The following MATN4 variants were observed in gnomAD, a reference collection of about 807,000 sequenced individuals.
MATN4 encodes matrilin 4, also known as matrilin-4.
In MATN4, 40 loss-of-function variants were observed where a neutral mutation model predicts 54.6. The observed-to-expected ratio is 0.73, with a 90% CI of 0.57 to 0.95. The LOEUF is 0.95. MATN4 is among the 40% of genes least tolerant of loss of function. The pLI, the probability that MATN4 is intolerant of heterozygous loss-of-function variation, is 0.00. For missense variants in MATN4, 810 were observed against 819.1 expected (o/e 0.99, Z 0.13); for synonymous variants, 351 against 345.3 (o/e 1.02, Z -0.18).
In MATN4 at chr20:45,293,677, G is replaced by A. The variant is rs987384087; in HGVS notation, c.*90C>T. 5 of 1,284,058 alleles carry A rather than the reference G, an allele frequency of 3.9e-6. No individual in the cohort carries two copies. Among genetic ancestry groups the A allele is most frequent in the Non-Finnish European group, 5.2e-6 (5 of 955,936 alleles). 79.5% of individuals were successfully genotyped at this position (1,284,058 alleles called of 1,614,324 possible). The stretch of plus-strand genomic sequence containing the variant: ...CGACAGCCCAAGCCGGACGGGCCCA[G>A]GTTCTGCCTGGCCCCGGCGCACCGA... On this transcript the variant is annotated 3_prime_UTR_variant, in exon 10 of 10. Transcript: ENST00000372756.
At chr20:45,299,937 G>A (rs1387397555) in intron 6 of MATN4, among the ~76,000 whole-genome samples, 1 of 149,170 alleles carries the variant, frequency 6.7e-6, no homozygotes, top group Admixed American at 6.7e-5. Context: ...ACCATGTGAG[G>A]ACACAGCAAG....
chr20:45,301,312 G>T lies in MATN4; in HGVS notation c.766+9C>A, dbSNP rs773538202. On this transcript the variant is annotated intron_variant, in intron 4 of 9. Transcript: ENST00000372756. ...CAGGGTGTGGTGGGAGGGTGGGGGTGTTGCTCACCCCTGCAGCTCCTCTGG... is the reference window on the plus strand; with the variant it reads ...CAGGGTGTGGTGGGAGGGTGGGGGTTTTGCTCACCCCTGCAGCTCCTCTGG... 23 of 1,613,996 alleles carry T rather than the reference G, an allele frequency of 1.4e-5. No individual in the cohort carries two copies. Among genetic ancestry groups the T allele is most frequent in the Non-Finnish European group, 1.8e-5 (21 of 1,180,026 alleles).
At chr20:45,303,014 C>T (rs1463479800) in intron 3 of MATN4, among the ~76,000 whole-genome samples, 2 of 133,682 alleles carry the variant, frequency 1.5e-5, no homozygotes, top group African/African-American at 2.8e-5. Flanking sequence ...ACCCGGGAGG[C>T]GGAGGTTGCA....
At chr20:45,297,334 TCAAGAG>T (rs1366812654) in intron 8 of MATN4, among the ~76,000 whole-genome samples, 1 of 151,912 alleles carries the variant, frequency 6.6e-6, no homozygotes, top group Non-Finnish European at 1.5e-5. Flanking sequence ...TGCATGCGAT[TCAAGAG>T]TCCCCTTCTT....
rs183010596 is a variant in MATN4 at position 45,297,280 on chromosome 20, G to T, written c.1579+638C>A. ...AGTGTCTAAAGTCTCTAGGGTAAAA[G>T]TTACCCTGGAGACATTCCCTGTATC... On this transcript the variant is annotated intron_variant, in intron 8 of 9. Coordinates refer to ENST00000372756, the MANE Select transcript of MATN4 (RefSeq NM_001393530.1). 1.7e-3 allele frequency among the ~76,000 whole-genome samples: 265 copies of T among 152,094 alleles called. 1 individual carries two copies. Among genetic ancestry groups the T allele is most frequent in the African/African-American group, 6.1e-3 (251 of 41,474 alleles).
chr20:45,300,763 C>T, intron 6 of MATN4, 124 bp downstream of exon 6: 1 of 1,211,004 alleles, frequency 8.3e-7, no homozygotes, highest in Non-Finnish European at 1.2e-6. Flanking sequence ...CCAATGTCAC[C>T]CCCACAACAC....
rs1482854611 is a variant in MATN4, at chr20:45,298,115, C to T, written c.1427-45G>A. On this transcript the variant is annotated intron_variant, in intron 7 of 9. Transcript: ENST00000372756. The surrounding 1 kb of genome is among the most constrained non-coding windows in gnomAD (Gnocchi z 4.6). ...GAGGGTGCCCCAGGCCTCGGGAAAG[C>T]TGCCTCCCAGCGTCTGACCCAACCC... 3 of 1,603,230 alleles carry T rather than the reference C, an allele frequency of 1.9e-6. No homozygotes were observed. The highest frequency in any genetic ancestry group is 2.6e-6 in the Non-Finnish European group (3 of 1,172,422).
rs2233090 is a variant in MATN4, at chr20:45,304,797, C to T, written c.74G>A (p.Gly25Asp). ...QPWETQLQLT[G>D]PRCHTGPLDL... is the part of the protein sequence containing the mutation. ...CAGGGGCCCAGTGTGACACCTGGGA[C>T]CTGCGGGGAGATCAGGGAGGACTCT... Residue 25 changes from glycine (G) to aspartate (D), a missense_variant and splice_region_variant, in exon 3 of 10, where the codon GGT (glycine) becomes GAT (aspartate). Transcript: ENST00000372756. 1,220 of 1,567,420 alleles carry T rather than the reference C, an allele frequency of 7.8e-4. 15 individuals are homozygous for T. Among genetic ancestry groups the T allele is most frequent in the Non-Finnish European group, 2.0e-4 (225 of 1,150,138 alleles).
intron 2 of MATN4, 58 bp from the exon 3 acceptor site, chr20:45,304,855 C>G: frequency 8.6e-7 from 1 of 1,169,064 alleles, no homozygotes; most frequent in Non-Finnish European, 1.2e-6. Flanking sequence ...TCCGAGGAGA[C>G]CCCCTAGGAA....
chr20:45,306,587 T>C (rs1199913985), intron 1 of MATN4, among the ~76,000 whole-genome samples: 1 of 152,204 alleles, frequency 6.6e-6, no homozygotes, highest in African/African-American at 2.4e-5. Context: ...GGCTGCGCCC[T>C]GTTGCGGGGC....
chr20:45,293,741 G>C lies in MATN4; in HGVS notation c.*26C>G, dbSNP rs753902496. On this transcript the variant is annotated 3_prime_UTR_variant, in exon 10 of 10. Coordinates refer to ENST00000372756, the MANE Select transcript of MATN4 (RefSeq NM_001393530.1). The stretch of plus-strand genomic sequence containing the variant: ...GCACCGTCCGTGGTGCCGCGCCCCA[G>C]CCCGGGTCTGGGCCGTCCGTGGCCC... The C allele has an allele frequency of 2.5e-6, 4 of 1,587,830 alleles. No homozygotes were observed. The South Asian group carries it at 4.5e-5, about 18-fold the overall frequency.
intron 3 of MATN4, chr20:45,303,447 C>G: frequency 1.4e-6 from 1 of 717,324 alleles, no homozygotes; most frequent in South Asian, 1.5e-5. Flanking sequence ...TGCAGTGGAA[C>G]ATGGCCCAGG....
intron 1 of MATN4, among the ~76,000 whole-genome samples, 167 bp from the exon 2 acceptor site, chr20:45,305,783 T>C (rs1226962635): frequency 1.4e-5 from 2 of 145,192 alleles, no homozygotes; most frequent in Non-Finnish European, 3.0e-5. Context: ...CACAGTGGGA[T>C]TGCTGGGAAA....
Position 45,298,620 on chromosome 20 carries a change from T to C in MATN4, c.1013-37A>G, listed in dbSNP as rs556738083. 76 of 1,491,598 alleles carry C rather than the reference T, an allele frequency of 5.1e-5. No homozygotes were observed. The East Asian group carries it at 1.6e-3, about 31-fold the overall frequency. The allele number at this position is 1,491,598 out of a possible 1,614,324, so 92.4% of individuals were successfully genotyped here. ...GAAAAGCTTGAATTGAGGGACCAGA[T>C]TCTGGACTGGCAGCAGCTGTCTATC... On this transcript the variant is annotated intron_variant, in intron 6 of 9. Transcript: ENST00000372756. The surrounding 1 kb of genome is among the most constrained non-coding windows in gnomAD (Gnocchi z 4.6).
intron 8 of MATN4, among the ~76,000 whole-genome samples, chr20:45,296,261 G>GA (rs11474853): frequency 4.2e-5 from 5 of 118,882 alleles, no homozygotes; most frequent in East Asian, 2.8e-4. Context: ...GAATGACATA[G>GA]AAAAAAAAAA....
intron 1 of MATN4, chr20:45,306,820 C>T: frequency 1.1e-6 from 1 of 925,382 alleles, no homozygotes; most frequent in Non-Finnish European, 1.4e-6. Flanking sequence ...GGATATAACC[C>T]GCGCAAGAGC....
chr20:45,302,907 A>AC (rs1448000676), intron 3 of MATN4, among the ~76,000 whole-genome samples: 1 of 151,954 alleles, frequency 6.6e-6, no homozygotes, highest in Non-Finnish European at 1.5e-5. Context: ...ACATGGTGAA[A>AC]CCCCATCTCC....
rs1986915693 is a variant in MATN4, at chr20:45,308,241, A to C, written c.-101T>G. On this transcript the variant is annotated 5_prime_UTR_variant, in exon 1 of 10. Coordinates refer to ENST00000372756, the MANE Select transcript of MATN4 (RefSeq NM_001393530.1). ...AGCCGACAGGCGGAGCCTCCCGGGC[A>C]CTTGGACCAGGTAACGGCGGCGTGG... The C allele has an allele frequency of 6.2e-7, 1 of 1,612,182 alleles. No homozygotes were observed. Among genetic ancestry groups the C allele is most frequent in the East Asian group, 2.2e-5 (1 of 44,862 alleles).
At chr20:45,305,476 TC>T in intron 2 of MATN4, 33 bp downstream of exon 2, 2 of 1,526,782 alleles carry the variant, frequency 1.3e-6, no homozygotes, top group Non-Finnish European at 1.8e-6. Flanking sequence ...TCCGCTCCCC[TC>T]CTCCCACTGG....
Sources: gnomAD v4.1 joint callset for allele counts (sites outside exome capture counted in the v4.1 genomes callset) on GRCh38, gnomAD v4.1.1 for gene constraint, Gnocchi (gnomAD v3.1) non-coding constraint, MANE v1.5 for transcripts, NCBI Gene and HGNC (gene_info 2026-07-23, HGNC 2026-07-21) for gene names.